ABCG8: variants seen among roughly 807,000 people sequenced by gnomAD.
The protein encoded by ABCG8 is ATP-binding cassette sub-family G member 8.
Under a neutral mutation model 71.3 loss-of-function variants are expected in ABCG8, and 81 were observed. The ratio of observed to expected loss-of-function variants is 1.14; its 90% CI spans 0.95 to 1.37. The LOEUF (loss-of-function observed/expected upper bound fraction) is 1.37. ABCG8 is among the 40% of genes most tolerant of loss of function. ABCG8 has a pLI of 0.00. For synonymous variants in ABCG8, 451 were observed against 354.7 expected (o/e 1.27, Z -3.05); for missense variants, 1,119 against 866.2 (o/e 1.29, Z -3.66).
chr2:43,872,519 C>T (rs921338751), intron 8 of ABCG8, among the ~76,000 whole-genome samples: 2 of 152,048 alleles, frequency 1.3e-5, no homozygotes, highest in Non-Finnish European at 1.5e-5. Flanking sequence ...TTCAGGAGTT[C>T]GAGACCAGCC....
Position 43,879,893 on chromosome 2 carries a change from T to C in ABCG8, c.*1980T>C, listed in dbSNP as rs929513637. ...GGCTTCTCCACAGCCAAGTTACTAT[T>C]TTCCCTCCCTTTATAATTAATAAGC... On this transcript the variant is annotated 3_prime_UTR_variant, in exon 13 of 13. Coordinates refer to ENST00000272286, the MANE Select transcript of ABCG8 (RefSeq NM_022437.3). 35 of 152,178 alleles carry C rather than the reference T, an allele frequency of 2.3e-4. No individual in the cohort carries two copies. The highest frequency in any genetic ancestry group is 7.5e-4 in the African/African-American group (31 of 41,440). The allele number at this position is 152,178 out of a possible 1,614,324, so 9.4% of individuals were successfully genotyped here.
rs1490999272 is a variant in ABCG8, at chr2:43,882,835, C to A, written c.*4922C>A. On this transcript the variant is annotated 3_prime_UTR_variant, in exon 13 of 13. Transcript: ENST00000272286. ...GTGGGTTGAGATTTTTAAACACAAA[C>A]CAACTCAAAAACACTTCTCTGCTTT... 6.6e-6 allele frequency: 1 copy of A among 152,180 alleles called. No homozygotes were observed. The highest frequency in any genetic ancestry group is 1.9e-4 in the East Asian group (1 of 5,194). The allele number at this position is 152,180 out of a possible 1,614,324, so 9.4% of individuals were successfully genotyped here. A position where few individuals can be genotyped will look rare whatever the true frequency, so the allele number is the denominator to read the frequency against.
intron 3 of ABCG8, 87 bp from the exon 4 acceptor site, chr2:43,851,497 G>A (rs1227286916): frequency 7.6e-6 from 11 of 1,452,814 alleles, no homozygotes; most frequent in African/African-American, 1.4e-5. Flanking sequence ...GTAGTCCGGG[G>A]TCCTGGAGAG....
rs1670021201 is a variant in ABCG8, at chr2:43,878,016, T to C, written c.*103T>C. ...CTGGGGACAGTGAGGACAATGACCC[T>C]ACAGATGCTCAGCTACATCCGGCCC... On this transcript the variant is annotated 3_prime_UTR_variant, in exon 13 of 13. Transcript: ENST00000272286. 1.3e-6 allele frequency: 2 copies of C among 1,540,430 alleles called. No individual in the cohort carries two copies. Among genetic ancestry groups the C allele is most frequent in the Non-Finnish European group, 8.9e-7 (1 of 1,125,144 alleles).
At position 43,867,172 on chromosome 2, in the gene ABCG8, A is replaced by G. The variant is rs528523165; in HGVS notation, c.965-4804A>G. Among the ~76,000 whole-genome samples, 6 of 128,332 alleles carry G rather than the reference A, an allele frequency of 4.7e-5. No individual in the cohort carries two copies. In the Admixed American group the frequency reaches 5.5e-4, roughly 12 times the overall value. The allele number at this position is 128,332 out of a possible 152,430, so 84.2% of individuals were successfully genotyped here. A position where few individuals can be genotyped will look rare whatever the true frequency, so the allele number is the denominator to read the frequency against. On this transcript the variant is annotated intron_variant, in intron 6 of 12. Transcript: ENST00000272286. ...GAGAAGACATGGAAACAGGAAGGGG[A>G]ACGTCACACTCTGGGGACTGTTGTG...
chr2:43,875,645 G>A (rs926191504), intron 11 of ABCG8, among the ~76,000 whole-genome samples: 2 of 152,128 alleles, frequency 1.3e-5, no homozygotes, highest in Non-Finnish European at 2.9e-5. Flanking sequence ...GCCCTTGACT[G>A]TCTCCCTCCC....
At chr2:43,875,062 T>C (rs1476715141) in intron 10 of ABCG8, 84 bp from the exon 11 acceptor site, 13 of 1,591,256 alleles carry the variant, frequency 8.2e-6, no homozygotes, top group Non-Finnish European at 1.1e-5. Context: ...GGTTGCTATC[T>C]GGGGGCACTG....
Position 43,877,689 on chromosome 2 carries a change from G to A in ABCG8, c.1884+1G>A, listed in dbSNP as rs199611513. On this transcript the variant is annotated splice_donor_variant, in intron 12 of 12. Coordinates refer to ENST00000272286, the MANE Select transcript of ABCG8 (RefSeq NM_022437.3). LOFTEE classifies it high-confidence loss of function. ...CACCATCGCGGTCTCAGGAGATAAA[G>A]TAAGCGGGGAAGGCCTCGGGTTCTA... 6.2e-7 allele frequency: 1 copy of A among 1,614,142 alleles called. No homozygotes were observed. Among genetic ancestry groups the A allele is most frequent in the Admixed American group, 1.7e-5 (1 of 60,024 alleles).
Position 43,844,618 on chromosome 2 carries a change from C to T in ABCG8, c.165+10C>T, listed in dbSNP as rs574722652. 24 of 1,600,398 alleles carry T rather than the reference C, an allele frequency of 1.5e-5. No individual in the cohort carries two copies. In the Middle Eastern group the frequency reaches 5.0e-4, roughly 33 times the overall value. ...AGACCTCAACTACCAGGTAGAGGCACGCCTGGGTTCAAGGGGAGAGGAGCA... is the reference window on the plus strand; with the variant it reads ...AGACCTCAACTACCAGGTAGAGGCATGCCTGGGTTCAAGGGGAGAGGAGCA... On this transcript the variant is annotated intron_variant, in intron 2 of 12. Coordinates refer to ENST00000272286, the MANE Select transcript of ABCG8 (RefSeq NM_022437.3).
In ABCG8 at chr2:43,877,676, C is replaced by T; in HGVS notation, c.1872C>T (p.Val624=). The change falls in exon 12 of 13, where the codon GTC becomes GTT. Residue 624 remains valine (V), a synonymous_variant. Transcript: ENST00000272286. ...CTCTCGGGAACCTCACCATCGCGGT[C>T]TCAGGAGATAAAGTAAGCGGGGAAG... The part of the protein sequence containing the change: ...KMPLGNLTIA[V]SGDKILSVME... 2.5e-6 allele frequency: 4 copies of T among 1,614,058 alleles called. No individual in the cohort carries two copies. The South Asian group carries it at 4.4e-5, about 18-fold the overall frequency.
intron 3 of ABCG8, among the ~76,000 whole-genome samples, chr2:43,849,566 C>G (rs1022443803): frequency 6.6e-6 from 1 of 152,154 alleles, no homozygotes; most frequent in Non-Finnish European, 1.5e-5. Flanking sequence ...GACACAGAGC[C>G]AAACCATATC....
At position 43,846,197 on chromosome 2, in the gene ABCG8, C is replaced by G. The variant is rs148110559; in HGVS notation, c.208C>G (p.Gln70Glu). ...SQVPWFEQLA[Q>E]FKMPWTSPSC... is the part of the protein sequence containing the mutation. ...GGTCCCTTGGTTTGAGCAGCTGGCT[C>G]AGTTCAAGATGCCCTGGACATCTCC... Residue 70 changes from glutamine (Q) to glutamate (E), a missense_variant, in exon 3 of 13, where the codon CAG (glutamine) becomes GAG (glutamate). By Grantham distance (29) the Gln-to-Glu change is conservative. Transcript: ENST00000272286. 4 of 1,614,046 alleles carry G rather than the reference C, an allele frequency of 2.5e-6. No homozygotes were observed. The highest frequency in any genetic ancestry group is 2.2e-5 in the South Asian group (2 of 91,062).
At chr2:43,840,459 G>A (rs918788947) in intron 1 of ABCG8, among the ~76,000 whole-genome samples, 28 of 152,158 alleles carry the variant, frequency 1.8e-4, no homozygotes, top group South Asian at 4.1e-4. Context: ...AGAAATGCAC[G>A]CAGGCCCTGC....
intron 6 of ABCG8, among the ~76,000 whole-genome samples, chr2:43,854,980 G>A (rs778487896): frequency 1.2e-4 from 18 of 152,196 alleles, no homozygotes; most frequent in Admixed American, 3.3e-4. Flanking sequence ...CAGAGCAGCC[G>A]ACCAAGGGGT....
At chr2:43,845,092 G>GTATA (rs1668701794) in intron 2 of ABCG8, among the ~76,000 whole-genome samples, 1 of 121,474 alleles carries the variant, frequency 8.2e-6, no homozygotes, top group African/African-American at 3.3e-5. Flanking sequence ...GTGTGTGTGT[G>GTATA]TGTGTGTATA....
chr2:43,844,623 G>A lies in ABCG8; in HGVS notation c.165+15G>A, dbSNP rs1668684157. 1 of 1,593,760 alleles carries A rather than the reference G, an allele frequency of 6.3e-7. No individual in the cohort carries two copies. The highest frequency in any genetic ancestry group is 8.6e-7 in the Non-Finnish European group (1 of 1,161,624). ...TCAACTACCAGGTAGAGGCACGCCT[G>A]GGTTCAAGGGGAGAGGAGCAGGCAG... On this transcript the variant is annotated intron_variant, in intron 2 of 12. Transcript: ENST00000272286.
Position 43,846,321 on chromosome 2 carries a change from A to G in ABCG8, c.322+10A>G, listed in dbSNP as rs766026570. On this transcript the variant is annotated intron_variant, in intron 3 of 12. Transcript: ENST00000272286. Reference sequence around the variant, plus strand: ...ATCATAGGGAGCTCAGGTACCGGAAAGGCAAATCGCTGGGCAATGGTTTCT... The same window carrying G: ...ATCATAGGGAGCTCAGGTACCGGAAGGGCAAATCGCTGGGCAATGGTTTCT... 1 of 1,614,152 alleles carries G rather than the reference A, an allele frequency of 6.2e-7. No homozygotes were observed. The highest frequency in any genetic ancestry group is 1.1e-5 in the South Asian group (1 of 91,076).
chr2:43,865,275 T>A (rs1669486643), intron 6 of ABCG8, among the ~76,000 whole-genome samples: 1 of 147,914 alleles, frequency 6.8e-6, no homozygotes, highest in African/African-American at 2.5e-5. Context: ...TGCTTAGAGC[T>A]CTCACTATCT....
chr2:43,875,736 G>A (rs1669939956), intron 11 of ABCG8, among the ~76,000 whole-genome samples: 1 of 152,078 alleles, frequency 6.6e-6, no homozygotes, highest in Non-Finnish European at 1.5e-5. Context: ...TCCATCCCTG[G>A]CCACCATTGT....
Sources: allele counts gnomAD v4.1 joint callset (sites outside exome capture counted in the v4.1 genomes callset), GRCh38; gene constraint gnomAD v4.1.1; transcripts MANE v1.5; gene names NCBI Gene and HGNC (gene_info 2026-07-23, HGNC 2026-07-21).